The following RYR2 variants were observed in gnomAD, a reference collection of about 807,000 sequenced individuals.
The protein encoded by RYR2 is cardiac muscle ryanodine receptor-calcium release channel.
Under a neutral mutation model 601.1 loss-of-function variants are expected in RYR2, and 227 were observed. The observed-to-expected ratio is 0.38, with a 90% CI of 0.34 to 0.42. RYR2 has a LOEUF of 0.42. RYR2 is among the 10% of genes least tolerant of loss of function. The pLI is 1.00. For synonymous variants in RYR2, 2,223 were observed against 2,175.1 expected, an observed-to-expected ratio of 1.02 and a Z score of -0.61; for missense variants, 4,646 against 6,156.5, an observed-to-expected ratio of 0.75 and a Z score of 8.21.
chr1:237,351,854 C>CA (rs33955032), intron 3 of RYR2, among the ~76,000 whole-genome samples: 4,519 of 39,324 alleles, frequency 0.11, 155 homozygotes, highest in Non-Finnish European at 0.14. Context: ...AAAGACCATG[C>CA]AAAAAAAAAA....
At chr1:237,722,444 T>G (rs1419228727) in intron 73 of RYR2, among the ~76,000 whole-genome samples, 1 of 151,672 alleles carries the variant, frequency 6.6e-6, no homozygotes, top group Non-Finnish European at 1.5e-5. Flanking sequence ...TAATTTTTTT[T>G]TTTTTTTGAG....
chr1:237,141,917 C>G lies in RYR2; in HGVS notation c.48+99348C>G, dbSNP rs145844182. ...GCCCTTAAGTAACCTGATGGGGGAC[C>G]TGTCACACTACAGAAGTCATGTAAC... is the stretch of plus-strand genomic sequence containing the variant. On this transcript the variant is annotated intron_variant, in intron 1 of 104. Transcript: ENST00000366574. 5.9e-3 allele frequency among the ~76,000 whole-genome samples: 897 copies of G among 152,308 alleles called. 9 individuals are homozygous for G. Among genetic ancestry groups the G allele is most frequent in the African/African-American group, 0.02 (848 of 41,572 alleles).
At chr1:237,457,987 A>C (rs1659040528) in intron 16 of RYR2, among the ~76,000 whole-genome samples, 1 of 152,132 alleles carries the variant, frequency 6.6e-6, no homozygotes, top group Non-Finnish European at 1.5e-5. Flanking sequence ...CTATTTTCCC[A>C]GTTCCCTTAT....
chr1:237,670,393 A>T (rs1189632808), intron 58 of RYR2, among the ~76,000 whole-genome samples: 1 of 152,050 alleles, frequency 6.6e-6, no homozygotes. Context: ...GCCTATTTCA[A>T]AATGCTGCTC....
At chr1:237,334,538 G>A (rs1018218704) in intron 3 of RYR2, among the ~76,000 whole-genome samples, 1 of 151,750 alleles carries the variant, frequency 6.6e-6, no homozygotes, top group African/African-American at 2.4e-5. Context: ...TTAAAATCAT[G>A]TCAATAGTAA....
intron 62 of RYR2, among the ~76,000 whole-genome samples, chr1:237,682,230 C>T (rs549268558): frequency 6.2e-4 from 94 of 152,172 alleles, no homozygotes; most frequent in African/African-American, 2.0e-3. Context: ...TGGAACTATA[C>T]ACCAAAAAAG....
chr1:237,785,615 G>T (rs764318792), intron 90 of RYR2, among the ~76,000 whole-genome samples: 1 of 152,198 alleles, frequency 6.6e-6, no homozygotes, highest in Non-Finnish European at 1.5e-5. Context: ...TGGCAATGCC[G>T]CTATGGTTTA....
chr1:237,786,232 C>G (rs919745160), intron 91 of RYR2, among the ~76,000 whole-genome samples, 196 bp downstream of exon 91: 1 of 152,134 alleles, frequency 6.6e-6, no homozygotes, highest in Non-Finnish European at 1.5e-5. Context: ...TAGACGCCCC[C>G]GGGGCTGCCA....
chr1:237,308,499 G>A (rs574098023), intron 2 of RYR2, among the ~76,000 whole-genome samples: 1 of 152,170 alleles, frequency 6.6e-6, no homozygotes, highest in Admixed American at 6.5e-5. Context: ...TGGAATTGGT[G>A]GGTTCTTGGT....
chr1:237,586,737 T>A (rs1011047744), intron 29 of RYR2, among the ~76,000 whole-genome samples: 42 of 152,176 alleles, frequency 2.8e-4, no homozygotes, highest in Non-Finnish European at 1.5e-4. Flanking sequence ...TTCTTTTTTT[T>A]GAGACGGAGT....
intron 58 of RYR2, among the ~76,000 whole-genome samples, chr1:237,669,971 C>G (rs895309490): frequency 2.6e-5 from 4 of 152,078 alleles, no homozygotes; most frequent in African/African-American, 9.7e-5. Context: ...GAGCCGAGAT[C>G]ACGCCACTGC....
At chr1:237,519,616 T>C (rs1227287092) in intron 24 of RYR2, among the ~76,000 whole-genome samples, 1 of 152,098 alleles carries the variant, frequency 6.6e-6, no homozygotes, top group Non-Finnish European at 1.5e-5. Flanking sequence ...TATTTCTGGG[T>C]TCTCTATTCT....
intron 1 of RYR2, among the ~76,000 whole-genome samples, chr1:237,268,157 T>A (rs1359816859): frequency 6.6e-6 from 1 of 152,176 alleles, no homozygotes; most frequent in Non-Finnish European, 1.5e-5. Context: ...TGTCTTTAGT[T>A]AGTTATTAAT....
At chr1:237,338,728 T>C (rs1382901207) in intron 3 of RYR2, among the ~76,000 whole-genome samples, 1 of 152,188 alleles carries the variant, frequency 6.6e-6, no homozygotes, top group African/African-American at 2.4e-5. Flanking sequence ...TGGTATCTGC[T>C]CAGAGGCACT....
At chr1:237,146,476 T>C (rs948622341) in intron 1 of RYR2, among the ~76,000 whole-genome samples, 3 of 152,206 alleles carry the variant, frequency 2.0e-5, no homozygotes, top group Admixed American at 6.5e-5. Flanking sequence ...ACTTCAAATA[T>C]GTAGATAACA....
intron 5 of RYR2, among the ~76,000 whole-genome samples, chr1:237,365,198 G>A (rs751448474): frequency 2.0e-5 from 3 of 152,114 alleles, no homozygotes; most frequent in Non-Finnish European, 4.4e-5. Flanking sequence ...ATTAATAAAG[G>A]CTTAAAAGAA....
At chr1:237,426,706 G>A (rs187005104) in intron 12 of RYR2, among the ~76,000 whole-genome samples, 150 of 152,176 alleles carry the variant, frequency 9.9e-4, no homozygotes, top group African/African-American at 3.5e-3. Context: ...AGAAAAACAT[G>A]AACCGGTACA....
intron 2 of RYR2, among the ~76,000 whole-genome samples, chr1:237,320,991 A>G (rs1432453261): frequency 1.3e-5 from 2 of 151,714 alleles, no homozygotes; most frequent in Non-Finnish European, 2.9e-5. Flanking sequence ...ATCAATCACA[A>G]ATGTTACCAC....
chr1:237,558,612 G>A (rs1187222696), intron 27 of RYR2, among the ~76,000 whole-genome samples: 1 of 152,102 alleles, frequency 6.6e-6, no homozygotes, highest in Non-Finnish European at 1.5e-5. Context: ...TATCCCCAAA[G>A]TTTACTGTAC....
Sources: allele counts gnomAD v4.1 joint callset (sites outside exome capture counted in the v4.1 genomes callset), GRCh38; gene constraint gnomAD v4.1.1; transcripts MANE v1.5; gene names NCBI Gene and HGNC (gene_info 2026-07-23, HGNC 2026-07-21).